PTK2: variants seen among roughly 807,000 people sequenced by gnomAD.
PTK2 encodes focal adhesion kinase 1.
Under a neutral mutation model 150.1 loss-of-function variants are expected in PTK2, and 45 were observed. The ratio of observed to expected loss-of-function variants is 0.30; its 90% CI spans 0.24 to 0.38. PTK2 has a LOEUF of 0.38. Ranked by LOEUF, PTK2 falls within the 10% of genes least tolerant of loss-of-function variation. The pLI is 1.00. For synonymous variants in PTK2, 432 were observed against 449.2 expected (o/e 0.96, Z 0.48); for missense variants, 919 against 1,307.3 (o/e 0.70, Z 4.58).
intron 22 of PTK2, among the ~76,000 whole-genome samples, chr8:140,733,305 T>C (rs1174726294): frequency 2.6e-5 from 4 of 152,112 alleles, no homozygotes; most frequent in Non-Finnish European, 5.9e-5. Flanking sequence ...CAATTTAAAA[T>C]GTAGGTTTGG....
intron 2 of PTK2, among the ~76,000 whole-genome samples, chr8:140,920,417 G>T (rs1201678706): frequency 6.6e-6 from 1 of 151,980 alleles, no homozygotes; most frequent in African/African-American, 2.4e-5. Flanking sequence ...AGTGAGTAAA[G>T]AAAACTAATT....
rs555621220 is a variant in PTK2 at position 140,946,776 on chromosome 8, AT to A, written c.-121-21028del. ...TACATAATGTACTCATTTGCTTATT[AT>A]TTTTTTATTATCTGCTTCCCTACAC... On this transcript the variant is annotated intron_variant, in intron 1 of 31. Coordinates refer to ENST00000522684, the Ensembl canonical transcript of PTK2. Among the ~76,000 whole-genome samples the A allele has an allele frequency of 6.4e-3, 978 of 152,100 alleles. 6 individuals carry two copies. Among genetic ancestry groups the A allele is most frequent in the African/African-American group, 0.023 (936 of 41,462 alleles).
intron 1 of PTK2, among the ~76,000 whole-genome samples, chr8:140,975,890 T>C (rs2100189105): frequency 6.6e-6 from 1 of 152,194 alleles, no homozygotes; most frequent in Non-Finnish European, 1.5e-5. Flanking sequence ...ACAGTATTTT[T>C]TAAATGGCGA....
intron 2 of PTK2, among the ~76,000 whole-genome samples, chr8:140,916,374 C>T (rs1435348669): frequency 6.6e-6 from 1 of 152,226 alleles, no homozygotes. Context: ...ACCCCGTATT[C>T]ACTCTGTTCC....
At chr8:140,864,940 G>A (rs1414857167) in intron 4 of PTK2, among the ~76,000 whole-genome samples, 3 of 152,028 alleles carry the variant, frequency 2.0e-5, no homozygotes, top group Non-Finnish European at 4.4e-5. Flanking sequence ...ATATACCTAG[G>A]AGCACTGGAT....
intron 25 of PTK2, 61 bp downstream of exon 28, chr8:140,702,509 C>A: frequency 1.3e-6 from 2 of 1,576,032 alleles, no homozygotes; most frequent in South Asian, 1.2e-5. Flanking sequence ...TGTAAGCCAC[C>A]ATGCCCAGCT....
intron 5 of PTK2, among the ~76,000 whole-genome samples, chr8:140,847,808 C>G (rs1461606084): frequency 6.6e-6 from 1 of 152,194 alleles, no homozygotes; most frequent in Non-Finnish European, 1.5e-5. Flanking sequence ...ACATCCTGTT[C>G]TTCAATGACT....
chr8:140,679,558 G>A (rs763761699), intron 27 of PTK2, among the ~76,000 whole-genome samples: 3 of 152,086 alleles, frequency 2.0e-5, no homozygotes, highest in Admixed American at 6.6e-5. Context: ...GGTTCTGTGC[G>A]GAACCAGCTG....
chr8:140,756,423 C>T lies in PTK2; in HGVS notation c.1333-4107G>A, dbSNP rs149540806. Among the ~76,000 whole-genome samples, 583 of 152,086 alleles carry T rather than the reference C, an allele frequency of 3.8e-3. 4 individuals are homozygous for T. Among genetic ancestry groups the T allele is most frequent in the African/African-American group, 0.013 (522 of 41,482 alleles). Reference sequence around the variant, plus strand: ...AGTAAACATTAGATTATGGGCCGGGCGCAGCGGCTCACACCTGTAATCCCA... The same window carrying T: ...AGTAAACATTAGATTATGGGCCGGGTGCAGCGGCTCACACCTGTAATCCCA... On this transcript the variant is annotated intron_variant, in intron 16 of 31. Coordinates refer to ENST00000522684, the Ensembl canonical transcript of PTK2.
intron 1 of PTK2, among the ~76,000 whole-genome samples, chr8:140,963,739 T>C (rs1396719513): frequency 6.6e-6 from 1 of 152,214 alleles, no homozygotes; most frequent in Non-Finnish European, 1.5e-5. Flanking sequence ...CCTATTCTGC[T>C]GACATTTATC....
intron 1 of PTK2, among the ~76,000 whole-genome samples, chr8:140,959,038 G>C (rs2100182164): frequency 6.6e-6 from 1 of 151,958 alleles, no homozygotes; most frequent in Non-Finnish European, 1.5e-5. Flanking sequence ...TGTCACAAAA[G>C]AATATATACA....
At chr8:140,861,045 C>T (rs1433550813) in intron 5 of PTK2, among the ~76,000 whole-genome samples, 1 of 152,138 alleles carries the variant, frequency 6.6e-6, no homozygotes, top group African/African-American at 2.4e-5. Context: ...TTTGAACTTT[C>T]TAAAAGTGTG....
At chr8:140,710,904 G>C (rs1369095749) in intron 23 of PTK2, among the ~76,000 whole-genome samples, 3 of 152,168 alleles carry the variant, frequency 2.0e-5, no homozygotes, top group African/African-American at 7.2e-5. Flanking sequence ...GAGAAGGACA[G>C]GCCTGAACAG....
Position 140,941,318 on chromosome 8 carries a change from T to C in PTK2, c.-121-15569A>G, listed in dbSNP as rs1313103143. ...AAATGTCAAAGAGGCTACCATTAGATATTTACTGTGTGATCAACACACAAA... is the reference window on the plus strand; with the variant it reads ...AAATGTCAAAGAGGCTACCATTAGACATTTACTGTGTGATCAACACACAAA... On this transcript the variant is annotated intron_variant, in intron 1 of 31. Transcript: ENST00000522684. 7.2e-5 allele frequency among the ~76,000 whole-genome samples: 11 copies of C among 152,214 alleles called. 1 individual carries two copies. The highest frequency in any genetic ancestry group is 1.6e-4 in the Non-Finnish European group (11 of 68,040).
In PTK2 at chr8:140,849,052, T is replaced by A. The variant is rs539627320; in HGVS notation, c.451-2374A>T. Among the ~76,000 whole-genome samples, 14 of 152,338 alleles carry A rather than the reference T, an allele frequency of 9.2e-5. No individual in the cohort carries two copies. The South Asian group carries it at 2.9e-3, about 32-fold the overall frequency. On this transcript the variant is annotated intron_variant, in intron 5 of 31. Coordinates refer to ENST00000522684, the Ensembl canonical transcript of PTK2. ...ATGAAAAAGGGGGAAATTATAATAATCTTCATTTAAAAAATCTCATTTATG... is the reference window on the plus strand; with the variant it reads ...ATGAAAAAGGGGGAAATTATAATAAACTTCATTTAAAAAATCTCATTTATG...
intron 9 of PTK2, among the ~76,000 whole-genome samples, chr8:140,818,602 T>C (rs998931421): frequency 2.0e-5 from 3 of 152,222 alleles, no homozygotes; most frequent in African/African-American, 2.4e-5. Flanking sequence ...ATTATCTAAA[T>C]AGGTAAACTA....
chr8:140,748,621 C>G (rs1179479994), intron 17 of PTK2, among the ~76,000 whole-genome samples: 1 of 152,050 alleles, frequency 6.6e-6, no homozygotes, highest in African/African-American at 2.4e-5. Context: ...TCAGGAGAGT[C>G]TGATGCTAAA....
intron 30 of PTK2, among the ~76,000 whole-genome samples, chr8:140,666,626 C>T (rs749574131): frequency 2.6e-5 from 4 of 152,024 alleles, no homozygotes; most frequent in African/African-American, 9.7e-5. Flanking sequence ...GAAAATAACA[C>T]GTTTTGGTGA....
chr8:140,873,277 C>T (rs2100143602), intron 4 of PTK2, among the ~76,000 whole-genome samples: 1 of 152,228 alleles, frequency 6.6e-6, no homozygotes, highest in African/African-American at 2.4e-5. Flanking sequence ...GCCTCTCCAG[C>T]TACAGAGAGT....
Sources: allele counts gnomAD v4.1 joint callset (sites outside exome capture counted in the v4.1 genomes callset), GRCh38; gene constraint gnomAD v4.1.1; transcripts MANE v1.5; gene names NCBI Gene and HGNC (gene_info 2026-07-23, HGNC 2026-07-21).